KDM3A: variants seen among roughly 807,000 people sequenced by gnomAD.
KDM3A encodes the protein lysine-specific demethylase 3A.
Under a neutral mutation model 158.0 loss-of-function variants are expected in KDM3A, and 60 were observed. The observed-to-expected ratio is 0.38, with a 90% confidence interval of 0.31 to 0.47. KDM3A has a LOEUF of 0.47. Among genes scored for constraint, KDM3A ranks in the 20% least tolerant of loss-of-function variants. The pLI is 0.99. For synonymous variants in KDM3A, 608 were observed against 549.3 expected, an observed-to-expected ratio of 1.11 and a Z score of -1.49; for missense variants, 1,319 against 1,574.3, an observed-to-expected ratio of 0.84 and a Z score of 2.74.
intron 18 of KDM3A, 165 bp downstream of exon 18, chr2:86,482,859 T>TA (rs2104702051): frequency 1.5e-6 from 1 of 676,728 alleles, no homozygotes; most frequent in East Asian, 2.6e-5. Flanking sequence ...CCATGGGTCT[T>TA]ACTTTTTAAA....
chr2:86,470,123 T>C, intron 10 of KDM3A, 81 bp from the exon 11 acceptor site: 1 of 1,169,728 alleles, frequency 8.5e-7, no homozygotes. Context: ...GAATATTGGG[T>C]TTTTGAATAG....
intron 12 of KDM3A, among the ~76,000 whole-genome samples, chr2:86,475,398 C>T (rs1003851360): frequency 1.3e-5 from 2 of 152,204 alleles, no homozygotes; most frequent in African/African-American, 2.4e-5. Flanking sequence ...GTCTGCAGGG[C>T]TGGGTCCCAG....
intron 11 of KDM3A, among the ~76,000 whole-genome samples, chr2:86,474,312 G>A (rs1673548763): frequency 1.3e-5 from 2 of 152,192 alleles, no homozygotes; most frequent in Admixed American, 1.3e-4. Context: ...ATCATTGGCT[G>A]TGATTAGCCA....
intron 15 of KDM3A, 140 bp downstream of exon 15, chr2:86,478,875 C>T (rs1673790756): frequency 2.6e-6 from 2 of 770,106 alleles, no homozygotes; most frequent in East Asian, 2.6e-5. Context: ...AGAAAGAATT[C>T]ATACAGTTCA....
chr2:86,442,481 G>A (rs1682772798), intron 2 of KDM3A: 3 of 420,428 alleles, frequency 7.1e-6, no homozygotes, highest in African/African-American at 4.1e-5. Context: ...CTTCATTAAT[G>A]CCGGTGCTGT....
intron 2 of KDM3A, chr2:86,442,488 C>G (rs147607074): frequency 4.9e-6 from 2 of 405,872 alleles, no homozygotes; most frequent in Non-Finnish European, 9.0e-6. Context: ...AATGCCGGTG[C>G]TGTGTCCCAC....
At chr2:86,472,524 A>T (rs552684379) in intron 11 of KDM3A, among the ~76,000 whole-genome samples, 1 of 152,124 alleles carries the variant, frequency 6.6e-6, no homozygotes, top group African/African-American at 2.4e-5. Context: ...TTTCAAATTT[A>T]TTTTTTTGTG....
chr2:86,456,306 T>C (rs950458285), intron 5 of KDM3A, 136 bp from the exon 6 acceptor site: 4 of 643,588 alleles, frequency 6.2e-6, no homozygotes, highest in South Asian at 2.4e-5. Flanking sequence ...AGTCATCTTA[T>C]GTTTGTAGTG....
intron 18 of KDM3A, 75 bp downstream of exon 18, chr2:86,482,769 C>A: frequency 1.5e-6 from 2 of 1,365,844 alleles, no homozygotes; most frequent in Non-Finnish European, 2.0e-6. Context: ...TCTGACAACC[C>A]CACCCCAGGC....
At position 86,489,583 on chromosome 2, in the gene KDM3A, G is replaced by A; in HGVS notation, c.3497G>A (p.Gly1166Glu). 1.2e-6 allele frequency: 2 copies of A among 1,614,050 alleles called. No individual in the cohort carries two copies. Among genetic ancestry groups the A allele is most frequent in the Non-Finnish European group, 1.7e-6 (2 of 1,179,980 alleles). Residue 1166 changes from glycine (G) to glutamate (E), a missense_variant, in exon 23 of 26, where the codon GGA (glycine) becomes GAA (glutamate). By Grantham distance (98) the Gly-to-Glu change is moderately conservative. This residue lies in a region of KDM3A where 186 missense variants were observed against 340.9 expected (regional missense o/e 0.55). Coordinates refer to ENST00000312912, the MANE Select transcript of KDM3A (RefSeq NM_018433.6). ...DELTIKRFIE[G>E]KEKPGALWHI... ...CTCACAATAAAGCGATTTATTGAAG[G>A]AAAAGAGAAGCCAGGAGCACTGTGG...
chr2:86,483,035 A>G (rs939748456), intron 18 of KDM3A: 4 of 277,462 alleles, frequency 1.4e-5, no homozygotes, highest in Non-Finnish European at 2.8e-5. Context: ...AGATCAGACA[A>G]AATGTGCTAC....
intron 10 of KDM3A, among the ~76,000 whole-genome samples, chr2:86,467,847 C>T (rs1323517708): frequency 6.6e-6 from 1 of 151,960 alleles, no homozygotes. Flanking sequence ...ATAGTGAGAC[C>T]CCATCTCCAC....
rs1172481324 is a variant in KDM3A at position 86,456,870 on chromosome 2, G to A, written c.747G>A (p.Val249=). The A allele has an allele frequency of 6.2e-7, 1 of 1,609,334 alleles. No individual in the cohort carries two copies. The highest frequency in any genetic ancestry group is 8.5e-7 in the Non-Finnish European group (1 of 1,176,060). The change falls in exon 7 of 26, where the codon GTG becomes GTA. Residue 249 remains valine, a synonymous_variant. Transcript: ENST00000312912. ...IHVEVVHDNL[V]TCGNSARIGA... ...TTGAAGTTGTACACGATAACCTTGT[G>A]ACATGTGGTAAGATATGTTATTAAA...
In KDM3A at chr2:86,441,398, C is replaced by G. The variant is rs1381656302; in HGVS notation, c.-77C>G. On this transcript the variant is annotated 5_prime_UTR_variant, in exon 1 of 26. Transcript: ENST00000312912. Reference sequence around the variant, plus strand: ...GTCAGCGCTGGAGTCGGCTAGGCGGCTGGAAACGGCGGCTGCCGCCGGTGA... The same window carrying G: ...GTCAGCGCTGGAGTCGGCTAGGCGGGTGGAAACGGCGGCTGCCGCCGGTGA... The G allele has an allele frequency of 6.6e-6, 1 of 152,362 alleles. No individual in the cohort carries two copies. The highest frequency in any genetic ancestry group is 1.9e-4 in the East Asian group (1 of 5,178). 9.4% of individuals were successfully genotyped at this position (152,362 alleles called of 1,614,324 possible).
At chr2:86,441,911 C>A (rs1573130033) in intron 1 of KDM3A, 107 bp from the exon 2 acceptor site, 2 of 839,844 alleles carry the variant, frequency 2.4e-6, no homozygotes, top group African/African-American at 1.8e-5. Context: ...CGCCCGGGGC[C>A]GCGTCCTCGC....
At chr2:86,456,767 T>A in intron 6 of KDM3A, 38 bp from the exon 7 acceptor site, 1 of 1,534,962 alleles carries the variant, frequency 6.5e-7, no homozygotes, top group South Asian at 1.1e-5. Flanking sequence ...CTTGAGCATT[T>A]TTTATTTTCC....
intron 19 of KDM3A, chr2:86,484,674 CA>C: frequency 2.6e-6 from 1 of 382,950 alleles, no homozygotes. Flanking sequence ...GACACAGATC[CA>C]TTAGTTGGTG....
chr2:86,491,982 A>T, intron 25 of KDM3A, 57 bp from the exon 26 acceptor site: 1 of 1,099,538 alleles, frequency 9.1e-7, no homozygotes, highest in East Asian at 2.4e-5. Flanking sequence ...GCTTATTCTT[A>T]GTGACAGGTT....
rs576281436 is a variant in KDM3A at position 86,456,655 on chromosome 2, T to G, written c.681+89T>G. 6.1e-6 allele frequency: 8 copies of G among 1,318,048 alleles called. 1 individual carries two copies. In the East Asian group the frequency reaches 1.9e-4, roughly 31 times the overall value. The allele number at this position is 1,318,048 out of a possible 1,614,324, so 81.6% of individuals were successfully genotyped here. A position where few individuals can be genotyped will look rare whatever the true frequency, so the allele number is the denominator to read the frequency against. On this transcript the variant is annotated intron_variant, in intron 6 of 25. Coordinates refer to ENST00000312912, the MANE Select transcript of KDM3A (RefSeq NM_018433.6). Reference sequence around the variant, plus strand: ...TATGATTTTCTAGGCACTAAATACCTTTATTATTTTATAGGGTAGAAATAA... The same window carrying G: ...TATGATTTTCTAGGCACTAAATACCGTTATTATTTTATAGGGTAGAAATAA...
Sources: gnomAD v4.1 joint callset for allele counts (sites outside exome capture counted in the v4.1 genomes callset) on GRCh38, gnomAD v4.1.1 for gene constraint, gnomAD v4.1.1 regional missense constraint, MANE v1.5 for transcripts, NCBI Gene and HGNC (gene_info 2026-07-23, HGNC 2026-07-21) for gene names.